The following CEP85L variants were observed in gnomAD, a reference collection of about 807,000 sequenced individuals.
CEP85L encodes the protein centrosomal protein 85L.
In CEP85L, 60 loss-of-function variants were observed where a neutral mutation model predicts 100.3. The ratio of observed to expected loss-of-function variants is 0.60; its 90% CI spans 0.49 to 0.74. The LOEUF (loss-of-function observed/expected upper bound fraction) is 0.74, where lower values mean the gene tolerates loss of function less well. CEP85L is among the 30% of genes least tolerant of loss of function. CEP85L has a pLI of 0.00. For missense variants in CEP85L, 973 were observed against 936.2 expected (o/e 1.04, Z -0.51); for synonymous variants, 319 against 322.7 (o/e 0.99, Z 0.12).
chr6:118,548,612 T>C (rs1360309614), intron 3 of CEP85L, among the ~76,000 whole-genome samples: 5 of 152,110 alleles, frequency 3.3e-5, no homozygotes, highest in South Asian at 2.1e-4. Flanking sequence ...GTCATATTCA[T>C]CTTTGATCCT....
intron 1 of CEP85L, among the ~76,000 whole-genome samples, chr6:118,647,438 G>T (rs1159311440): frequency 6.6e-6 from 1 of 152,212 alleles, no homozygotes; most frequent in Admixed American, 6.5e-5. Flanking sequence ...TCAGCCCACT[G>T]CAACCTCAGC....
chr6:118,696,859 A>G (rs1193287479), intron 1 of CEP85L, among the ~76,000 whole-genome samples: 1 of 152,186 alleles, frequency 6.6e-6, no homozygotes, highest in Non-Finnish European at 1.5e-5. Context: ...TTAAGGATCC[A>G]GGTCCTTCCC....
intron 1 of CEP85L, among the ~76,000 whole-genome samples, chr6:118,705,868 C>T (rs1353547224): frequency 6.6e-6 from 1 of 152,246 alleles, no homozygotes; most frequent in Admixed American, 6.5e-5. Context: ...TTCACCCTTG[C>T]AATACCATAA....
At chr6:118,484,779 G>C (rs1774055931) in intron 6 of CEP85L, among the ~76,000 whole-genome samples, 1 of 152,124 alleles carries the variant, frequency 6.6e-6, no homozygotes, top group African/African-American at 2.4e-5. Context: ...TACGTTAACA[G>C]ACTTGCAGAG....
At chr6:118,483,909 A>G (rs1773981438) in intron 6 of CEP85L, 51 bp from the exon 7 acceptor site, 16 of 1,545,818 alleles carry the variant, frequency 1.0e-5, no homozygotes, top group Non-Finnish European at 1.4e-5. Context: ...ATTAAAAGAT[A>G]TAACAAAACC....
At chr6:118,625,504 G>A (rs1302387110) in intron 2 of CEP85L, among the ~76,000 whole-genome samples, 1 of 152,180 alleles carries the variant, frequency 6.6e-6, no homozygotes, top group African/African-American at 2.4e-5. Context: ...TGATGATATG[G>A]AATGGGTTGC....
At chr6:118,564,161 C>T (rs1383925837) in intron 3 of CEP85L, among the ~76,000 whole-genome samples, 1 of 152,142 alleles carries the variant, frequency 6.6e-6, no homozygotes, top group Admixed American at 6.5e-5. Flanking sequence ...AAGAAAAACA[C>T]CTTGTTTAAA....
chr6:118,594,692 T>A (rs779172462), intron 2 of CEP85L, among the ~76,000 whole-genome samples: 3 of 151,364 alleles, frequency 2.0e-5, no homozygotes, highest in Admixed American at 6.6e-5. Flanking sequence ...CCATCTCTAC[T>A]AAAAATACAA....
At chr6:118,619,256 T>A (rs528655855) in intron 2 of CEP85L, among the ~76,000 whole-genome samples, 2 of 152,218 alleles carry the variant, frequency 1.3e-5, no homozygotes, top group East Asian at 3.9e-4. Flanking sequence ...AAGAAGCGAC[T>A]GATTGTCTTC....
intron 5 of CEP85L, among the ~76,000 whole-genome samples, chr6:118,509,045 C>T (rs954890659): frequency 2.6e-4 from 40 of 152,064 alleles, no homozygotes; most frequent in African/African-American, 9.2e-4. Flanking sequence ...TTACAAATTG[C>T]TCTCATCTTT....
At chr6:118,688,909 T>C (rs1036451674) in intron 1 of CEP85L, among the ~76,000 whole-genome samples, 1 of 152,212 alleles carries the variant, frequency 6.6e-6, no homozygotes, top group Non-Finnish European at 1.5e-5. Context: ...TTCCGGACCA[T>C]GTTTATGTTC....
chr6:118,609,682 AT>A (rs1217340262), intron 2 of CEP85L, among the ~76,000 whole-genome samples: 14 of 152,190 alleles, frequency 9.2e-5, no homozygotes, highest in Non-Finnish European at 2.1e-4. Context: ...TCAGAACAAA[AT>A]TCCTGACAAT....
At chr6:118,637,171 A>G (rs1314502621) in intron 1 of CEP85L, among the ~76,000 whole-genome samples, 3 of 152,240 alleles carry the variant, frequency 2.0e-5, no homozygotes, top group Non-Finnish European at 2.9e-5. Context: ...AAAAAAAGCT[A>G]TAAGAAATGA....
At chr6:118,503,249 A>C (rs866103331) in intron 5 of CEP85L, among the ~76,000 whole-genome samples, 21 of 152,246 alleles carry the variant, frequency 1.4e-4, no homozygotes, top group Middle Eastern at 3.2e-3. Flanking sequence ...TTCAAGATCT[A>C]TATGAAGACA....
At position 118,662,263 on chromosome 6, in the gene CEP85L, C is replaced by T. The variant is rs141231737; in HGVS notation, c.-27-9455G>A. Among the ~76,000 whole-genome samples, 766 of 152,222 alleles carry T rather than the reference C, an allele frequency of 5.0e-3. 4 individuals carry two copies. Among genetic ancestry groups the T allele is most frequent in the African/African-American group, 0.017 (726 of 41,494 alleles). ...AGTATGAATTGGCCGGGTGCGGTGG[C>T]TCACTCCTGTAATCCCAACACCTTG... On this transcript the variant is annotated intron_variant, in intron 1 of 13. Coordinates refer to the CEP85L transcript ENST00000368488.
At chr6:118,489,594 C>G (rs906237918) in intron 6 of CEP85L, among the ~76,000 whole-genome samples, 1 of 152,000 alleles carries the variant, frequency 6.6e-6, no homozygotes, top group African/African-American at 2.4e-5. Flanking sequence ...AAATCAAAAC[C>G]ATCTCGTGCC....
upstream of CEP85L, chr6:118,651,672 G>A: frequency 3.1e-6 from 3 of 982,394 alleles, no homozygotes; most frequent in African/African-American, 1.8e-5. Flanking sequence ...TCAGGCGTGC[G>A]CGGCGCCGCG....
At chr6:118,593,644 T>C (rs945992683) in intron 2 of CEP85L, among the ~76,000 whole-genome samples, 1 of 150,354 alleles carries the variant, frequency 6.7e-6, no homozygotes. Context: ...TGACATGAGA[T>C]TGGTGGGGGG....
chr6:118,675,746 G>T (rs549071286), intron 1 of CEP85L, among the ~76,000 whole-genome samples: 1 of 151,938 alleles, frequency 6.6e-6, no homozygotes. Context: ...AACCCAGTAA[G>T]ACCCTGTCTC....
Sources: gnomAD v4.1 joint callset for allele counts (sites outside exome capture counted in the v4.1 genomes callset) on GRCh38, gnomAD v4.1.1 for gene constraint, MANE v1.5 for transcripts, NCBI Gene and HGNC (gene_info 2026-07-23, HGNC 2026-07-21) for gene names.